The following CAMK1D variants were observed in gnomAD, a reference collection of about 807,000 sequenced individuals.
The protein encoded by CAMK1D is calcium/calmodulin-dependent protein kinase type 1D.
In CAMK1D, 9 loss-of-function variants were observed where a neutral mutation model predicts 47.7. The observed-to-expected ratio is 0.19, with a 90% CI of 0.11 to 0.33. The LOEUF (loss-of-function observed/expected upper bound fraction) is 0.33. CAMK1D is among the 10% of genes least tolerant of loss of function. The pLI is 1.00. For missense variants in CAMK1D, 291 were observed against 488.7 expected, an observed-to-expected ratio of 0.60 and a Z score of 3.81; for synonymous variants, 184 against 184.9, an observed-to-expected ratio of 0.99 and a Z score of 0.04.
intron 1 of CAMK1D, among the ~76,000 whole-genome samples, chr10:12,523,731 C>G (rs1040494906): frequency 6.6e-6 from 1 of 151,912 alleles, no homozygotes; most frequent in African/African-American, 2.4e-5. Context: ...AGAGGGAGAC[C>G]GTGGAAAGAG....
At chr10:12,760,456 G>A (rs10508447) in intron 3 of CAMK1D, 16,477 of 152,992 alleles carry the variant, frequency 0.11, 955 homozygotes, top group South Asian at 0.14. Context: ...AAAACATCAA[G>A]GTCCAGGGAT....
At chr10:12,786,509 A>G (rs775260135) in intron 5 of CAMK1D, among the ~76,000 whole-genome samples, 33 of 152,274 alleles carry the variant, frequency 2.2e-4, no homozygotes, top group Middle Eastern at 6.8e-3. Context: ...CATAACAACC[A>G]TAGTGTTATC....
rs1356964837 is a variant in CAMK1D at position 12,720,763 on chromosome 10, AG to A, written c.300-40182del. 2.6e-5 allele frequency among the ~76,000 whole-genome samples: 4 copies of A among 152,332 alleles called. No individual in the cohort carries two copies. In the South Asian group the frequency reaches 6.2e-4, roughly 24 times the overall value. On this transcript the variant is annotated intron_variant, in intron 3 of 10. Coordinates refer to ENST00000619168, the MANE Select transcript of CAMK1D (RefSeq NM_153498.4). The stretch of plus-strand genomic sequence containing the variant: ...GCCCCGAAGAATCAATAAGGATTCA[AG>A]GGTTTTCCTCTCCACGGTAAGGAGA...
At position 12,655,059 on chromosome 10, in the gene CAMK1D, C is replaced by T. The variant is rs555170128; in HGVS notation, c.225-11677C>T. On this transcript the variant is annotated intron_variant, in intron 2 of 10. Coordinates refer to ENST00000619168, the MANE Select transcript of CAMK1D (RefSeq NM_153498.4). Reference sequence around the variant, plus strand: ...TTGAGACCCATTGGATTAGGCCGTTCCTGCATTGCTATACAGAAATACCTG... The same window carrying T: ...TTGAGACCCATTGGATTAGGCCGTTTCTGCATTGCTATACAGAAATACCTG... 2.0e-5 allele frequency among the ~76,000 whole-genome samples: 3 copies of T among 152,316 alleles called. No homozygotes were observed. The South Asian group carries it at 6.2e-4, about 32-fold the overall frequency.
At chr10:12,413,225 G>A (rs1381750893) in intron 1 of CAMK1D, among the ~76,000 whole-genome samples, 3 of 152,100 alleles carry the variant, frequency 2.0e-5, no homozygotes, top group African/African-American at 4.8e-5. Flanking sequence ...GAGCAGGCAC[G>A]TTACATGGTG....
At chr10:12,822,729 G>A (rs146732123) in intron 8 of CAMK1D, among the ~76,000 whole-genome samples, 2 of 152,330 alleles carry the variant, frequency 1.3e-5, no homozygotes, top group South Asian at 2.1e-4. Context: ...TTTTCAACAG[G>A]GTCCAGGAGG....
intron 1 of CAMK1D, among the ~76,000 whole-genome samples, chr10:12,532,525 C>T (rs570613042): frequency 7.2e-5 from 11 of 152,258 alleles, no homozygotes; most frequent in South Asian, 4.2e-4. Flanking sequence ...GTGATCCGTC[C>T]GCCTCGGCCT....
chr10:12,428,527 A>C (rs1840329282), intron 1 of CAMK1D, among the ~76,000 whole-genome samples: 1 of 152,002 alleles, frequency 6.6e-6, no homozygotes, highest in African/African-American at 2.4e-5. Context: ...TTCTGGGTGG[A>C]TCTGATAGCT....
Position 12,828,022 on chromosome 10 carries a change from G to A in CAMK1D, c.1040-747G>A, listed in dbSNP as rs1833318997. Reference sequence around the variant, plus strand: ...CACAAAATGCTTTCTAGCCAAGAGTGTACACAACACACCAACCAAGGGTAG... The same window carrying A: ...CACAAAATGCTTTCTAGCCAAGAGTATACACAACACACCAACCAAGGGTAG... On this transcript the variant is annotated intron_variant, in intron 10 of 10. Transcript: ENST00000619168. Among the ~76,000 whole-genome samples the A allele has an allele frequency of 2.0e-5, 3 of 152,284 alleles. No individual in the cohort carries two copies. The South Asian group carries it at 6.2e-4, about 32-fold the overall frequency.
intron 2 of CAMK1D, among the ~76,000 whole-genome samples, chr10:12,610,358 A>T (rs1168573791): frequency 6.6e-6 from 1 of 152,098 alleles, no homozygotes. Flanking sequence ...CCTCTGCTGC[A>T]TCTCAACGCC....
chr10:12,645,333 A>G (rs1396003109), intron 2 of CAMK1D, among the ~76,000 whole-genome samples: 7 of 152,220 alleles, frequency 4.6e-5, no homozygotes, highest in Admixed American at 4.6e-4. Flanking sequence ...GAGTGTAAGA[A>G]GTCTGTGAAC....
chr10:12,782,996 G>GT lies in CAMK1D; in HGVS notation c.566-8148dup, dbSNP rs869121653. On this transcript the variant is annotated intron_variant, in intron 5 of 10. Transcript: ENST00000619168. The stretch of plus-strand genomic sequence containing the variant: ...AGTATTTTCAGTTTTTTTTTTTTTT[G>GT]TTTTTTTTTTTTTTGAGACAGAGTC... Among the ~76,000 whole-genome samples the GT allele has an allele frequency of 6.9e-3, 589 of 85,578 alleles. 7 individuals are homozygous for GT. Among genetic ancestry groups the GT allele is most frequent in the African/African-American group, 8.1e-3 (192 of 23,682 alleles). The allele number at this position is 85,578 out of a possible 152,430, so 56.1% of individuals were successfully genotyped here. A position where few individuals can be genotyped will look rare whatever the true frequency, so the allele number is the denominator to read the frequency against.
At position 12,835,302 on chromosome 10, in the gene CAMK1D, A is replaced by G. The variant is rs567601373; in HGVS notation, c.*6415A>G. The G allele has an allele frequency of 3.4e-4, 52 of 152,284 alleles. No homozygotes were observed. Among genetic ancestry groups the G allele is most frequent in the Admixed American group, 2.9e-3 (45 of 15,294 alleles). The allele number at this position is 152,284 out of a possible 1,614,324, so 9.4% of individuals were successfully genotyped here. ...TATTACCAGGCTTGCAATTGGTTCA[A>G]TTTTCCCATAAAAACATGTTTGTCC... On this transcript the variant is annotated 3_prime_UTR_variant, in exon 11 of 11. Transcript: ENST00000619168.
chr10:12,793,066 G>A (rs1286706605), intron 6 of CAMK1D, among the ~76,000 whole-genome samples: 1 of 151,996 alleles, frequency 6.6e-6, no homozygotes, highest in African/African-American at 2.4e-5. Flanking sequence ...GGAGCCCTGT[G>A]TTACTCACCC....
chr10:12,431,880 G>A (rs1318202480), intron 1 of CAMK1D, among the ~76,000 whole-genome samples: 12 of 152,218 alleles, frequency 7.9e-5, no homozygotes, highest in Non-Finnish European at 1.0e-4. Context: ...GATGATTCCT[G>A]ACTCTTCTCC....
At chr10:12,451,042 G>A (rs370715139) in intron 1 of CAMK1D, among the ~76,000 whole-genome samples, 4 of 152,076 alleles carry the variant, frequency 2.6e-5, no homozygotes, top group African/African-American at 4.8e-5. Flanking sequence ...GCCATGGGCC[G>A]GGGAGTGAGG....
chr10:12,660,323 TGG>T (rs985348027), intron 2 of CAMK1D, among the ~76,000 whole-genome samples: 1 of 152,172 alleles, frequency 6.6e-6, no homozygotes, highest in African/African-American at 2.4e-5. Flanking sequence ...ATCCTTGAAC[TGG>T]GGTACATGAG....
At chr10:12,363,666 T>C (rs1837749654) in intron 1 of CAMK1D, among the ~76,000 whole-genome samples, 2 of 56,512 alleles carry the variant, frequency 3.5e-5, no homozygotes, top group Admixed American at 3.5e-4. Context: ...TTTCCTAAGG[T>C]TTTTTTTTTT....
chr10:12,669,945 T>A (rs931791830), intron 3 of CAMK1D, among the ~76,000 whole-genome samples: 1 of 152,084 alleles, frequency 6.6e-6, no homozygotes, highest in Non-Finnish European at 1.5e-5. Flanking sequence ...GACACTTGGG[T>A]GGTGCCCAGT....
Sources: gnomAD v4.1 joint callset for allele counts (sites outside exome capture counted in the v4.1 genomes callset) on GRCh38, gnomAD v4.1.1 for gene constraint, MANE v1.5 for transcripts, NCBI Gene and HGNC (gene_info 2026-07-23, HGNC 2026-07-21) for gene names.